Variants in TRDN observed in about 807,000 individuals in gnomAD.
TRDN encodes triadin, also known as triadin in skeletal muscle.
TRDN carries 161 observed loss-of-function variants against 149.7 expected under a neutral mutation model. That is an observed-to-expected ratio of 1.08 (90% CI 0.95 to 1.23). The LOEUF is 1.23. Among genes scored for constraint, TRDN ranks in the 50% most tolerant of loss-of-function variants. The pLI is 0.00. For missense variants in TRDN, 896 were observed against 823.5 expected (o/e 1.09, Z -1.08); for synonymous variants, 294 against 250.5 (o/e 1.17, Z -1.64).
chr6:123,466,643 A>G (rs1776835019), intron 9 of TRDN, among the ~76,000 whole-genome samples: 1 of 151,974 alleles, frequency 6.6e-6, no homozygotes. Flanking sequence ...ATACTTGGAA[A>G]GATCTATTCC....
intron 30 of TRDN, 55 bp downstream of exon 30, chr6:123,271,084 T>A: frequency 1.8e-6 from 2 of 1,094,282 alleles, no homozygotes; most frequent in Non-Finnish European, 2.6e-6. Flanking sequence ...CACATATGAG[T>A]GCACCACATA....
chr6:123,297,987 C>T (rs1185625604), intron 24 of TRDN, among the ~76,000 whole-genome samples: 1 of 152,008 alleles, frequency 6.6e-6, no homozygotes, highest in Non-Finnish European at 1.5e-5. Context: ...AGATTCCTCT[C>T]CATACTCACA....
intron 9 of TRDN, among the ~76,000 whole-genome samples, chr6:123,475,725 T>A (rs1306577951): frequency 7.9e-6 from 1 of 126,162 alleles, no homozygotes; most frequent in Admixed American, 8.3e-5. Context: ...CAAGTGGGCT[T>A]CATCCCTGGG....
At chr6:123,612,609 T>C (rs1027211868) in intron 1 of TRDN, among the ~76,000 whole-genome samples, 4 of 152,074 alleles carry the variant, frequency 2.6e-5, no homozygotes, top group Admixed American at 6.5e-5. Context: ...CTGATCATCA[T>C]GTATCACAGC....
intron 5 of TRDN, among the ~76,000 whole-genome samples, chr6:123,524,593 G>A (rs1779853523): frequency 6.6e-6 from 1 of 152,040 alleles, no homozygotes; most frequent in South Asian, 2.1e-4. Flanking sequence ...TTGTCAAGGT[G>A]ACTAAGCTCT....
intron 9 of TRDN, among the ~76,000 whole-genome samples, chr6:123,465,406 T>C (rs889179847): frequency 6.6e-6 from 1 of 151,916 alleles, no homozygotes; most frequent in African/African-American, 2.4e-5. Flanking sequence ...TGATATAATA[T>C]AGGCAATAAA....
At chr6:123,334,596 G>T (rs1280884181) in intron 22 of TRDN, among the ~76,000 whole-genome samples, 1 of 152,012 alleles carries the variant, frequency 6.6e-6, no homozygotes, top group Non-Finnish European at 1.5e-5. Flanking sequence ...TCAAAAGCAG[G>T]ACTATGTCCC....
Position 123,438,108 on chromosome 6 carries a change from T to C in TRDN, c.1006A>G (p.Lys336Glu), listed in dbSNP as rs1220583695. Reference protein sequence around the residue: ...ETKKKEKEDIKKKSEKETAID... With the variant: ...ETKKKEKEDIEKKSEKETAID... Reference sequence around the variant, plus strand: ...GCAGTTTCCTTCTCACTTTTCTTTTTGATATCTTCTTTTTCTGCTGGTAAA... The same window carrying C: ...GCAGTTTCCTTCTCACTTTTCTTTTCGATATCTTCTTTTTCTGCTGGTAAA... Residue 336 changes from lysine to glutamate, a missense_variant, in exon 12 of 41, where the codon AAA becomes GAA. Physicochemically the swap from Lys to Glu is moderately conservative, Grantham distance 56. Transcript: ENST00000334268. 1.9e-6 allele frequency: 3 copies of C among 1,587,006 alleles called. No homozygotes were observed. Among genetic ancestry groups the C allele is most frequent in the Non-Finnish European group, 2.6e-6 (3 of 1,170,312 alleles).
intron 1 of TRDN, among the ~76,000 whole-genome samples, chr6:123,573,538 G>T (rs1314844901): frequency 1.3e-5 from 2 of 151,956 alleles, no homozygotes; most frequent in African/African-American, 4.8e-5. Context: ...ATAAATGCAG[G>T]CATTTGTTTC....
At chr6:123,234,338 T>C (rs1288614468) in intron 38 of TRDN, among the ~76,000 whole-genome samples, 1 of 152,144 alleles carries the variant, frequency 6.6e-6, no homozygotes, top group Admixed American at 6.6e-5. Context: ...GGTATGTGTA[T>C]ATATGTTTAT....
intron 7 of TRDN, among the ~76,000 whole-genome samples, chr6:123,508,399 A>C (rs183471692): frequency 5.9e-5 from 9 of 152,316 alleles, no homozygotes. Flanking sequence ...AGATATAAAT[A>C]TACATGAACC....
chr6:123,294,074 A>G (rs1481299451), intron 24 of TRDN, among the ~76,000 whole-genome samples: 4 of 152,188 alleles, frequency 2.6e-5, no homozygotes, highest in Non-Finnish European at 5.9e-5. Context: ...TCCTTAGACC[A>G]TTTGGCAAAT....
intron 38 of TRDN, among the ~76,000 whole-genome samples, chr6:123,234,786 C>T (rs1031005845): frequency 2.6e-5 from 4 of 152,130 alleles, no homozygotes; most frequent in Non-Finnish European, 4.4e-5. Context: ...ATTGACCCTT[C>T]TGTCCCAGGG....
intron 14 of TRDN, 70 bp downstream of exon 14, chr6:123,388,452 C>T: frequency 3.3e-6 from 5 of 1,532,830 alleles, no homozygotes; most frequent in Non-Finnish European, 2.7e-6. Context: ...GAATAGCAGT[C>T]AAAACCCAAC....
At chr6:123,273,166 A>G (rs949987461) in intron 28 of TRDN, among the ~76,000 whole-genome samples, 155 bp from the exon 29 acceptor site, 1 of 152,044 alleles carries the variant, frequency 6.6e-6, no homozygotes, top group African/African-American at 2.4e-5. Context: ...GTTCATGAAA[A>G]CAATATGCCA....
At chr6:123,228,834 A>C (rs1680532069) in intron 38 of TRDN, among the ~76,000 whole-genome samples, 1 of 151,892 alleles carries the variant, frequency 6.6e-6, no homozygotes, top group African/African-American at 2.4e-5. Flanking sequence ...TGTGCAGAAC[A>C]GAAATGAAGG....
intron 1 of TRDN, among the ~76,000 whole-genome samples, chr6:123,621,219 C>T (rs1785365494): frequency 6.6e-6 from 1 of 152,052 alleles, no homozygotes; most frequent in Non-Finnish European, 1.5e-5. Flanking sequence ...CTGAGAAGTC[C>T]TTAGGATTCT....
At chr6:123,322,572 G>C (rs546675329) in intron 23 of TRDN, among the ~76,000 whole-genome samples, 1 of 150,808 alleles carries the variant, frequency 6.6e-6, no homozygotes, top group African/African-American at 2.4e-5. Context: ...GAGCATTGGC[G>C]AACACTTCAC....
intron 24 of TRDN, among the ~76,000 whole-genome samples, chr6:123,302,748 G>T (rs1287799534): frequency 2.0e-5 from 3 of 151,952 alleles, no homozygotes; most frequent in Non-Finnish European, 4.4e-5. Context: ...ATAAATTTTT[G>T]AACAAGGCAT....
Sources: allele counts gnomAD v4.1 joint callset (sites outside exome capture counted in the v4.1 genomes callset), GRCh38; gene constraint gnomAD v4.1.1; transcripts MANE v1.5; gene names NCBI Gene and HGNC (gene_info 2026-07-23, HGNC 2026-07-21).